The following EEF2K variants were observed in gnomAD, a reference collection of about 807,000 sequenced individuals.
EEF2K encodes the protein eukaryotic elongation factor 2 kinase.
Under a neutral mutation model 93.8 loss-of-function variants are expected in EEF2K, and 70 were observed. That is an observed-to-expected ratio of 0.75 (90% CI 0.62 to 0.91). The LOEUF is 0.91. Ranked by LOEUF, EEF2K falls within the 40% of genes least tolerant of loss-of-function variation. The pLI, the probability that EEF2K is intolerant of heterozygous loss-of-function variation, is 0.00. For synonymous variants in EEF2K, 376 were observed against 380.8 expected, an observed-to-expected ratio of 0.99 and a Z score of 0.15; for missense variants, 935 against 972.9, an observed-to-expected ratio of 0.96 and a Z score of 0.52.
intron 9 of EEF2K, 139 bp from the exon 10 acceptor site, chr16:22,258,355 G>A: frequency 1.1e-6 from 1 of 876,492 alleles, no homozygotes; most frequent in Non-Finnish European, 1.7e-6. Flanking sequence ...TATTTTTTAA[G>A]ACAATATATC....
chr16:22,236,934 C>CTT (rs71151665), intron 2 of EEF2K, among the ~76,000 whole-genome samples: 1,101 of 56,236 alleles, frequency 0.02, 250 homozygotes, highest in East Asian at 0.037. Context: ...CCACAGACCT[C>CTT]TTTTTTTTTT....
At chr16:22,267,418 C>G (rs1220565092) in intron 15 of EEF2K, among the ~76,000 whole-genome samples, 1 of 152,026 alleles carries the variant, frequency 6.6e-6, no homozygotes, top group Non-Finnish European at 1.5e-5. Context: ...CATGGTGAAA[C>G]CCCGCCTCTA....
Position 22,257,358 on chromosome 16 carries a change from G to A in EEF2K, c.874G>A (p.Gly292Ser), listed in dbSNP as rs753440311. 2 of 1,613,830 alleles carry A rather than the reference G, an allele frequency of 1.2e-6. No homozygotes were observed. The highest frequency in any genetic ancestry group is 1.7e-6 in the Non-Finnish European group (2 of 1,179,936). ...TGACCCACAGATCCACACGGAGACGGGCACTGACTTTGGAGACGGCAACCT... is the reference window on the plus strand; with the variant it reads ...TGACCCACAGATCCACACGGAGACGAGCACTGACTTTGGAGACGGCAACCT... ...YTDPQIHTETGTDFGDGNLGV... is the reference protein window; with the variant it reads ...YTDPQIHTETSTDFGDGNLGV... Residue 292 changes from glycine to serine, a missense_variant, in exon 8 of 18, where the codon GGC becomes AGC. By Grantham distance (56) the Gly-to-Ser change is moderately conservative (BLOSUM62 0). Coordinates refer to ENST00000263026, the MANE Select transcript of EEF2K (RefSeq NM_013302.5).
chr16:22,256,911 C>A lies in EEF2K; in HGVS notation c.768+14C>A. ...CTGACGCCGCAGGTGAGGCCGAGCT[C>A]ACCTCCACCCTCTGCCCACCACAGC... On this transcript the variant is annotated intron_variant, in intron 7 of 17. Transcript: ENST00000263026. 6.2e-7 allele frequency: 1 copy of A among 1,612,970 alleles called. No homozygotes were observed. The highest frequency in any genetic ancestry group is 8.5e-7 in the Non-Finnish European group (1 of 1,179,710).
chr16:22,248,764 C>T lies in EEF2K; in HGVS notation c.357C>T (p.Ala119=), dbSNP rs200700399. 1.6e-5 allele frequency: 26 copies of T among 1,613,906 alleles called. No individual in the cohort carries two copies. The highest frequency in any genetic ancestry group is 4.4e-5 in the South Asian group (4 of 91,060). The change falls in exon 4 of 18, where the codon GCC becomes GCT. Residue 119 remains alanine (A), a synonymous_variant. Transcript: ENST00000263026. ...TERATRHRYN[A]VTGEWLDDEV... is the part of the protein sequence containing the mutation. ...GGATGGGTCTCTGCAGGTACAACGCCGTCACCGGGGAATGGCTGGATGATG... is the reference window on the plus strand; with the variant it reads ...GGATGGGTCTCTGCAGGTACAACGCTGTCACCGGGGAATGGCTGGATGATG...
At chr16:22,241,368 G>A (rs878866286) in intron 2 of EEF2K, among the ~76,000 whole-genome samples, 6 of 151,954 alleles carry the variant, frequency 3.9e-5, no homozygotes, top group African/African-American at 9.7e-5. Context: ...CATGTAGGCC[G>A]GGCAAGGTGG....
At chr16:22,267,022 T>A (rs1174380791) in intron 15 of EEF2K, 146 bp downstream of exon 15, 10 of 1,024,120 alleles carry the variant, frequency 9.8e-6, no homozygotes, top group Admixed American at 3.0e-5. Context: ...CAGGCACTGG[T>A]TTGGGGGCAG....
intron 15 of EEF2K, among the ~76,000 whole-genome samples, chr16:22,273,028 T>C (rs1446798416): frequency 1.3e-5 from 2 of 152,160 alleles, no homozygotes; most frequent in East Asian, 3.9e-4. Flanking sequence ...AGGCCCCACA[T>C]TGGAGCTTAG....
rs144252213 is a variant in EEF2K, at chr16:22,258,622, C to T, written c.1158C>T (p.Ser386=). The change falls in exon 10 of 18, where the codon AGC becomes AGT. Residue 386 remains serine, a synonymous_variant. Coordinates refer to ENST00000263026, the MANE Select transcript of EEF2K (RefSeq NM_013302.5). Reference sequence around the variant, plus strand: ...AGAACTCTGGAGACGAGAACATGAGCGACGTGACCTTCGACTCTCTCCCTT... The same window carrying T: ...AGAACTCTGGAGACGAGAACATGAGTGACGTGACCTTCGACTCTCTCCCTT... ...LSENSGDENM[S]DVTFDSLPSS... 2.2e-5 allele frequency: 36 copies of T among 1,614,112 alleles called. No homozygotes were observed. The highest frequency in any genetic ancestry group is 6.7e-5 in the East Asian group (3 of 44,870).
chr16:22,239,802 C>A (rs180934767), intron 2 of EEF2K, among the ~76,000 whole-genome samples: 1 of 151,956 alleles, frequency 6.6e-6, no homozygotes, highest in East Asian at 1.9e-4. Context: ...CAGAGCAAGA[C>A]CCTGTCTCTT....
Position 22,250,586 on chromosome 16 carries a change from C to A in EEF2K, c.409-68C>A. The A allele has an allele frequency of 4.4e-6, 7 of 1,602,260 alleles. No individual in the cohort carries two copies. In the Admixed American group the frequency reaches 8.4e-5, roughly 19 times the overall value. On this transcript the variant is annotated intron_variant, in intron 4 of 17. Coordinates refer to ENST00000263026, the MANE Select transcript of EEF2K (RefSeq NM_013302.5). Reference sequence around the variant, plus strand: ...TGATAGGTGGCATGTAAGGGGAGCACCTCCTGTCTTAGGGTCCCTTTTGGG... The same window carrying A: ...TGATAGGTGGCATGTAAGGGGAGCAACTCCTGTCTTAGGGTCCCTTTTGGG...
At chr16:22,233,569 C>T (rs1424023704) in intron 2 of EEF2K, among the ~76,000 whole-genome samples, 5 of 151,776 alleles carry the variant, frequency 3.3e-5, no homozygotes, top group Admixed American at 1.3e-4. Flanking sequence ...CACCTATAAT[C>T]CCAGCTACTC....
intron 2 of EEF2K, among the ~76,000 whole-genome samples, chr16:22,235,718 G>C (rs1043186954): frequency 1.3e-5 from 2 of 152,004 alleles, no homozygotes; most frequent in South Asian, 4.2e-4. Context: ...GGCTGGTCTC[G>C]AACTCCTGAC....
At chr16:22,280,506 G>A in intron 17 of EEF2K, 130 bp downstream of exon 17, 1 of 1,070,590 alleles carries the variant, frequency 9.3e-7, no homozygotes, top group Non-Finnish European at 1.2e-6. Context: ...GGAATTTATG[G>A]AGCTAGTATG....
chr16:22,257,369 T>C lies in EEF2K; in HGVS notation c.885T>C (p.Phe295=), dbSNP rs1364149415. 2 of 1,613,582 alleles carry C rather than the reference T, an allele frequency of 1.2e-6. No individual in the cohort carries two copies. The highest frequency in any genetic ancestry group is 1.7e-6 in the Non-Finnish European group (2 of 1,179,866). ...PQIHTETGTD[F]GDGNLGVRGM... is the part of the protein sequence containing the mutation. ...TCCACACGGAGACGGGCACTGACTTTGGAGACGGCAACCTAGGTACGTGGG... is the reference window on the plus strand; with the variant it reads ...TCCACACGGAGACGGGCACTGACTTCGGAGACGGCAACCTAGGTACGTGGG... The change falls in exon 8 of 18, where the codon TTT becomes TTC. Residue 295 remains phenylalanine, a synonymous_variant. Transcript: ENST00000263026.
At chr16:22,278,962 C>T (rs900105855) in intron 16 of EEF2K, among the ~76,000 whole-genome samples, 12 of 152,102 alleles carry the variant, frequency 7.9e-5, no homozygotes, top group Admixed American at 5.2e-4. Context: ...ACAGCTGTCC[C>T]GCACAGCAGA....
At chr16:22,247,012 T>TG (rs1328012216) in intron 3 of EEF2K, among the ~76,000 whole-genome samples, 1 of 113,464 alleles carries the variant, frequency 8.8e-6, no homozygotes, top group Non-Finnish European at 1.6e-5. Context: ...CACTCCAGCC[T>TG]GGGTGACAGA....
intron 1 of EEF2K, among the ~76,000 whole-genome samples, chr16:22,224,089 C>T (rs1460393461): frequency 6.6e-6 from 1 of 152,104 alleles, no homozygotes; most frequent in Non-Finnish European, 1.5e-5. Context: ...TGCCTGTAAT[C>T]CCAGCTACTC....
At chr16:22,271,566 T>C (rs2047582711) in intron 15 of EEF2K, among the ~76,000 whole-genome samples, 1 of 151,272 alleles carries the variant, frequency 6.6e-6, no homozygotes, top group Non-Finnish European at 1.5e-5. Flanking sequence ...CCTGGTGTGG[T>C]GCACCTGCCT....
Sources: allele counts gnomAD v4.1 joint callset (sites outside exome capture counted in the v4.1 genomes callset), GRCh38; gene constraint gnomAD v4.1.1; transcripts MANE v1.5; gene names NCBI Gene and HGNC (gene_info 2026-07-23, HGNC 2026-07-21).